Variants in SKP1 observed in about 807,000 individuals in gnomAD.
SKP1 encodes S-phase kinase-associated protein 1.
Under a neutral mutation model 21.5 loss-of-function variants are expected in SKP1, and 1 was observed. That is an observed-to-expected ratio of 0.05 (90% CI 0.02 to 0.22). The LOEUF (loss-of-function observed/expected upper bound fraction) is 0.22. SKP1 is among the 10% of genes least tolerant of loss of function. SKP1 has a pLI of 1.00. For synonymous variants in SKP1, 59 were observed against 59.3 expected, an observed-to-expected ratio of 0.99 and a Z score of 0.03; for missense variants, 70 against 192.0, an observed-to-expected ratio of 0.36 and a Z score of 3.76.
chr5:134,168,419 C>T (rs1335071372), intron 2 of SKP1, among the ~76,000 whole-genome samples: 2 of 152,078 alleles, frequency 1.3e-5, no homozygotes, highest in African/African-American at 2.4e-5. Flanking sequence ...AAAAACAAGG[C>T]AGGGAGCTCC....
rs1053275432 is a variant in SKP1, at chr5:134,155,200, T to C, written c.*2533A>G. 2.6e-5 allele frequency: 4 copies of C among 152,098 alleles called. No homozygotes were observed. Among genetic ancestry groups the C allele is most frequent in the Non-Finnish European group, 5.9e-5 (4 of 68,022 alleles). The allele number at this position is 152,098 out of a possible 1,614,324, so 9.4% of individuals were successfully genotyped here. ...ATGCCACAATATTAGTTTAGAAGAA[T>C]AGTTGGGAAGTAAGAGAGTAGCCAG... On this transcript the variant is annotated 3_prime_UTR_variant, in exon 6 of 6. Transcript: ENST00000353411.
intron 5 of SKP1, chr5:134,158,245 C>T: frequency 6.9e-7 from 1 of 1,446,132 alleles, no homozygotes. Context: ...TCATTGAAAA[C>T]TAATTGTTCT....
At chr5:134,165,462 T>A (rs1374317973) in intron 3 of SKP1, among the ~76,000 whole-genome samples, 1 of 149,432 alleles carries the variant, frequency 6.7e-6, no homozygotes, top group African/African-American at 2.5e-5. Context: ...TGGTAGCGGG[T>A]GTCTGTAATC....
chr5:134,163,424 C>T (rs1761259619), intron 3 of SKP1, among the ~76,000 whole-genome samples: 1 of 151,434 alleles, frequency 6.6e-6, no homozygotes, highest in Admixed American at 6.6e-5. Flanking sequence ...TATTGTACTT[C>T]CATAGTTTTG....
chr5:134,169,634 G>A (rs568292006), intron 2 of SKP1, among the ~76,000 whole-genome samples: 18 of 152,320 alleles, frequency 1.2e-4, no homozygotes, highest in African/African-American at 3.6e-4. Context: ...GGAGGCCGAG[G>A]CAGGCAGATC....
intron 2 of SKP1, among the ~76,000 whole-genome samples, chr5:134,169,395 C>G (rs1946217434): frequency 6.6e-6 from 1 of 152,166 alleles, no homozygotes; most frequent in Non-Finnish European, 1.5e-5. Context: ...CTATGTAGAA[C>G]AAGTCACTTA....
Position 134,151,926 on chromosome 5 carries a change from T to TG in SKP1, c.*5806dup, listed in dbSNP as rs778716787. The TG allele has an allele frequency of 6.6e-6, 2 of 302,034 alleles. No homozygotes were observed. Among genetic ancestry groups the TG allele is most frequent in the Admixed American group, 8.2e-5 (2 of 24,336 alleles). 18.7% of individuals were successfully genotyped at this position (302,034 alleles called of 1,614,324 possible). On this transcript the variant is annotated 3_prime_UTR_variant, in exon 6 of 6. Transcript: ENST00000353411. Reference sequence around the variant, plus strand: ...GGCCACCACTAATGATCATCTCCACTGATGCCTCAGCAGAAAGGATAACAT... The same window carrying TG: ...GGCCACCACTAATGATCATCTCCACTGGATGCCTCAGCAGAAAGGATAACAT...
intron 4 of SKP1, among the ~76,000 whole-genome samples, chr5:134,159,754 A>G (rs1761185418): frequency 6.6e-6 from 1 of 152,014 alleles, no homozygotes; most frequent in Admixed American, 6.5e-5. Context: ...TCACCATGTT[A>G]GCCAGGATGG....
chr5:134,173,834 C>T (rs1761489461), intron 2 of SKP1, 92 bp downstream of exon 2: 1 of 798,872 alleles, frequency 1.3e-6, no homozygotes, highest in South Asian at 1.4e-5. Context: ...TCTCAAGCAC[C>T]TTATGACAGG....
At position 134,173,859 on chromosome 5, in the gene SKP1, A is replaced by G. The variant is rs982541701; in HGVS notation, c.97+67T>C. On this transcript the variant is annotated intron_variant, in intron 2 of 5. Coordinates refer to ENST00000353411, the MANE Select transcript of SKP1 (RefSeq NM_170679.3). ...CTTATGACAGGCTGCTGCTCATATA[A>G]ATTTGATATTCACAAACTATCTCAA... 5 of 887,114 alleles carry G rather than the reference A, an allele frequency of 5.6e-6. No individual in the cohort carries two copies. The Admixed American group carries it at 6.8e-5, about 12-fold the overall frequency. 55.0% of individuals were successfully genotyped at this position (887,114 alleles called of 1,614,324 possible).
rs761051103 is a variant in SKP1, at chr5:134,155,270, TG to T, written c.*2462del. The T allele has an allele frequency of 1.3e-5, 2 of 152,118 alleles. No individual in the cohort carries two copies. Among genetic ancestry groups the T allele is most frequent in the Admixed American group, 6.5e-5 (1 of 15,280 alleles). The allele number at this position is 152,118 out of a possible 1,614,324, so 9.4% of individuals were successfully genotyped here. A position where few individuals can be genotyped will look rare whatever the true frequency, so the allele number is the denominator to read the frequency against. ...GACTGAGGTTTGGCTACTGTGATAA[TG>T]AGAAAGGACCACTCACTCCAGGTGA... is the stretch of plus-strand genomic sequence containing the variant. On this transcript the variant is annotated 3_prime_UTR_variant, in exon 6 of 6. Coordinates refer to ENST00000353411, the MANE Select transcript of SKP1 (RefSeq NM_170679.3).
In SKP1 at chr5:134,155,336, T is replaced by A. The variant is rs1016765475; in HGVS notation, c.*2397A>T. 3 of 152,162 alleles carry A rather than the reference T, an allele frequency of 2.0e-5. No individual in the cohort carries two copies. The highest frequency in any genetic ancestry group is 4.4e-5 in the Non-Finnish European group (3 of 68,018). 9.4% of individuals were successfully genotyped at this position (152,162 alleles called of 1,614,324 possible). A position where few individuals can be genotyped will look rare whatever the true frequency, so the allele number is the denominator to read the frequency against. On this transcript the variant is annotated 3_prime_UTR_variant, in exon 6 of 6. Transcript: ENST00000353411. Reference sequence around the variant, plus strand: ...TCTAGTAGATATATTAAAGGAATAGTGGGCATACAGCAGGGAACAGGAAAA... The same window carrying A: ...TCTAGTAGATATATTAAAGGAATAGAGGGCATACAGCAGGGAACAGGAAAA...
At chr5:134,159,687 A>C (rs1761184183) in intron 4 of SKP1, among the ~76,000 whole-genome samples, 1 of 152,004 alleles carries the variant, frequency 6.6e-6, no homozygotes, top group Non-Finnish European at 1.5e-5. Context: ...AGCTGAGACT[A>C]CAGGTTCCTG....
At position 134,154,994 on chromosome 5, in the gene SKP1, T is replaced by C. The variant is rs186890740; in HGVS notation, c.*2739A>G. On this transcript the variant is annotated 3_prime_UTR_variant, in exon 6 of 6. Coordinates refer to ENST00000353411, the MANE Select transcript of SKP1 (RefSeq NM_170679.3). ...AAGGACTTTTCACTTCTGTTACTTA[T>C]ACTGAAATTCATGGAGTAGTGCTGC... 5 of 152,352 alleles carry C rather than the reference T, an allele frequency of 3.3e-5. No individual in the cohort carries two copies. Among genetic ancestry groups the C allele is most frequent in the South Asian group, 2.1e-4 (1 of 4,834 alleles). 9.4% of individuals were successfully genotyped at this position (152,352 alleles called of 1,614,324 possible). A position where few individuals can be genotyped will look rare whatever the true frequency, so the allele number is the denominator to read the frequency against.
intron 2 of SKP1, among the ~76,000 whole-genome samples, chr5:134,170,414 T>C (rs910751636): frequency 6.6e-6 from 1 of 152,206 alleles, no homozygotes; most frequent in Non-Finnish European, 1.5e-5. Context: ...TTCAGGGACT[T>C]CTGAAAGACA....
intron 3 of SKP1, among the ~76,000 whole-genome samples, chr5:134,162,775 G>A (rs1761243625): frequency 1.3e-5 from 2 of 150,820 alleles, no homozygotes; most frequent in South Asian, 4.2e-4. Flanking sequence ...TGCTTATCCA[G>A]GCATTTTTTA....
chr5:134,167,100 G>T, intron 3 of SKP1, 70 bp downstream of exon 3: 1 of 750,674 alleles, frequency 1.3e-6, no homozygotes, highest in Non-Finnish European at 2.3e-6. Flanking sequence ...ATAGATTGTT[G>T]AATTACTTGT....
In SKP1 at chr5:134,156,989, GAAT is replaced by G. The variant is rs1004393026; in HGVS notation, c.*741_*743del. ...ATTATTCTTTACATGCAAGTAGTGTGAATAATTTTCTCCACATGGGAACACTAA... is the reference window on the plus strand; with the variant it reads ...ATTATTCTTTACATGCAAGTAGTGTGAATTTTCTCCACATGGGAACACTAA... On this transcript the variant is annotated 3_prime_UTR_variant, in exon 6 of 6. Coordinates refer to ENST00000353411, the MANE Select transcript of SKP1 (RefSeq NM_170679.3). 6.6e-6 allele frequency: 1 copy of G among 152,616 alleles called. No individual in the cohort carries two copies. The highest frequency in any genetic ancestry group is 1.5e-5 in the Non-Finnish European group (1 of 68,044). The allele number at this position is 152,616 out of a possible 1,614,324, so 9.5% of individuals were successfully genotyped here. A position where few individuals can be genotyped will look rare whatever the true frequency, so the allele number is the denominator to read the frequency against.
At position 134,151,783 on chromosome 5, in the gene SKP1, A is replaced by G; in HGVS notation, c.*5950T>C. On this transcript the variant is annotated 3_prime_UTR_variant, in exon 6 of 6. Transcript: ENST00000353411. ...ACTGGCACACAGACCAGAGGTAGCC[A>G]GCAGTACACAAGACTGCAAGGCAAC... The G allele has an allele frequency of 2.3e-6, 1 of 432,868 alleles. No homozygotes were observed. Among genetic ancestry groups the G allele is most frequent in the African/African-American group, 2.0e-5 (1 of 49,360 alleles). 26.8% of individuals were successfully genotyped at this position (432,868 alleles called of 1,614,324 possible).
Sources: gnomAD v4.1 joint callset for allele counts (sites outside exome capture counted in the v4.1 genomes callset) on GRCh38, gnomAD v4.1.1 for gene constraint, MANE v1.5 for transcripts, NCBI Gene and HGNC (gene_info 2026-07-23, HGNC 2026-07-21) for gene names.